The following ANO4 variants were observed in gnomAD, a reference collection of about 807,000 sequenced individuals.
The protein encoded by ANO4 is anoctamin-4.
A neutral mutation model predicts 141.9 loss-of-function variants in ANO4; 69 were observed. The ratio of observed to expected loss-of-function variants is 0.49; its 90% CI spans 0.40 to 0.59. The LOEUF (loss-of-function observed/expected upper bound fraction) is 0.59. Among genes scored for constraint, ANO4 ranks in the 20% least tolerant of loss-of-function variants. The pLI is 0.00. For synonymous variants in ANO4, 350 were observed against 394.3 expected, an observed-to-expected ratio of 0.89 and a Z score of 1.33; for missense variants, 894 against 1,162.2, an observed-to-expected ratio of 0.77 and a Z score of 3.36.
At chr12:100,990,259 G>A (rs1488520697) in intron 8 of ANO4, among the ~76,000 whole-genome samples, 1 of 152,114 alleles carries the variant, frequency 6.6e-6, no homozygotes, top group Non-Finnish European at 1.5e-5. Flanking sequence ...TCACTTCAAA[G>A]GGTTATAGGT....
At chr12:100,801,986 T>C (rs1201140381) in intron 1 of ANO4, among the ~76,000 whole-genome samples, 1 of 152,216 alleles carries the variant, frequency 6.6e-6, no homozygotes, top group African/African-American at 2.4e-5. Context: ...CATAACTGCA[T>C]AACACGTTTT....
intron 8 of ANO4, 67 bp downstream of exon 8, chr12:100,987,737 A>G: frequency 6.3e-7 from 1 of 1,582,650 alleles, no homozygotes; most frequent in South Asian, 1.2e-5. Flanking sequence ...CTCACCCTGC[A>G]CGCCTTTGAT....
At chr12:100,882,006 C>T (rs1424277400) in intron 1 of ANO4, among the ~76,000 whole-genome samples, 1 of 152,130 alleles carries the variant, frequency 6.6e-6, no homozygotes, top group Non-Finnish European at 1.5e-5. Context: ...GACAAGAATA[C>T]TGACCTCATA....
chr12:100,782,670 A>G (rs976479990), intron 3 of ANO4, among the ~76,000 whole-genome samples: 1 of 152,142 alleles, frequency 6.6e-6, no homozygotes, highest in African/African-American at 2.4e-5. Context: ...CCTTATCTGG[A>G]ACATGGGGAT....
chr12:101,013,415 A>C (rs906332583), intron 8 of ANO4, among the ~76,000 whole-genome samples: 5 of 152,132 alleles, frequency 3.3e-5, no homozygotes, highest in African/African-American at 1.2e-4. Context: ...CACACAACTA[A>C]AGTGGAAGAG....
chr12:100,935,540 A>G (rs965863697), intron 3 of ANO4, among the ~76,000 whole-genome samples: 46 of 152,160 alleles, frequency 3.0e-4, no homozygotes, highest in Non-Finnish European at 5.1e-4. Flanking sequence ...ACATTTTTCT[A>G]TTTAGGAGAA....
intron 1 of ANO4, among the ~76,000 whole-genome samples, chr12:100,800,928 T>C (rs1350504734): frequency 6.6e-6 from 1 of 152,248 alleles, no homozygotes; most frequent in African/African-American, 2.4e-5. Context: ...TGCTATTTCC[T>C]CTTCTCTCTT....
chr12:101,054,594 G>A (rs1281677113), intron 14 of ANO4, among the ~76,000 whole-genome samples: 1 of 152,186 alleles, frequency 6.6e-6, no homozygotes, highest in South Asian at 2.1e-4. Flanking sequence ...CCGCCTCCCG[G>A]CTTCACGCCA....
At chr12:101,083,509 A>C (rs2049364595) in intron 15 of ANO4, among the ~76,000 whole-genome samples, 169 bp from the exon 16 acceptor site, 1 of 152,196 alleles carries the variant, frequency 6.6e-6, no homozygotes. Context: ...ATTTTCTTCA[A>C]GTGGCCAATT....
chr12:100,845,222 T>C, intron 1 of ANO4, among the ~76,000 whole-genome samples: 1 of 151,990 alleles, frequency 6.6e-6, no homozygotes, highest in Admixed American at 6.6e-5. Context: ...CAGATGGAGA[T>C]GGTGAGTGCA....
At chr12:100,895,855 C>A (rs2040324446) in intron 1 of ANO4, among the ~76,000 whole-genome samples, 1 of 151,972 alleles carries the variant, frequency 6.6e-6, no homozygotes, top group African/African-American at 2.4e-5. Flanking sequence ...AGCCACTGTG[C>A]CTGGCCTTTG....
intron 16 of ANO4, among the ~76,000 whole-genome samples, 166 bp downstream of exon 16, chr12:101,083,984 A>G (rs1357954915): frequency 6.6e-6 from 1 of 152,218 alleles, no homozygotes; most frequent in Non-Finnish European, 1.5e-5. Context: ...TGCTATCCCC[A>G]TATTACAGAT....
chr12:100,919,722 ATGTG>A lies in ANO4; in HGVS notation c.56-2500_56-2497del, dbSNP rs1285242310. On this transcript the variant is annotated intron_variant, in intron 2 of 27. Coordinates refer to ENST00000392977, the MANE Select transcript of ANO4 (RefSeq NM_001286615.2). The stretch of plus-strand genomic sequence containing the variant: ...TGTGTGTGTATGTATGTATGTATGT[ATGTG>A]TGTATGTATGTATCTATCTATCTAT... Among the ~76,000 whole-genome samples the A allele has an allele frequency of 9.9e-3, 1,292 of 129,988 alleles. 21 individuals carry two copies. Among genetic ancestry groups the A allele is most frequent in the African/African-American group, 0.035 (1,217 of 34,812 alleles). 85.3% of individuals were successfully genotyped at this position (129,988 alleles called of 152,430 possible). A position where few individuals can be genotyped will look rare whatever the true frequency, so the allele number is the denominator to read the frequency against.
At chr12:100,800,745 G>A (rs2034632399) in intron 1 of ANO4, among the ~76,000 whole-genome samples, 1 of 152,184 alleles carries the variant, frequency 6.6e-6, no homozygotes, top group African/African-American at 2.4e-5. Context: ...ACAAATCACA[G>A]ATTAAATACC....
chr12:101,090,287 A>G (rs542940830), intron 17 of ANO4, among the ~76,000 whole-genome samples: 2 of 152,352 alleles, frequency 1.3e-5, no homozygotes, highest in South Asian at 4.1e-4. Flanking sequence ...TGCTATAAAG[A>G]CACATGCACA....
chr12:101,073,650 T>A (rs1253578638), intron 14 of ANO4, among the ~76,000 whole-genome samples: 3 of 151,684 alleles, frequency 2.0e-5, no homozygotes, highest in Non-Finnish European at 4.4e-5. Context: ...CCCTTTTGTG[T>A]CTGTGATGGG....
intron 1 of ANO4, among the ~76,000 whole-genome samples, chr12:100,869,301 C>A (rs1191983255): frequency 6.6e-6 from 1 of 152,170 alleles, no homozygotes; most frequent in African/African-American, 2.4e-5. Flanking sequence ...GGGATGTAGG[C>A]TGTCTCATAT....
At chr12:101,104,645 A>G (rs868670913) in intron 22 of ANO4, among the ~76,000 whole-genome samples, 15 of 62,840 alleles carry the variant, frequency 2.4e-4, no homozygotes, top group Admixed American at 1.5e-3. Flanking sequence ...ATATATATAT[A>G]TATATATATA....
At chr12:101,117,826 T>A (rs762569444) in intron 25 of ANO4, among the ~76,000 whole-genome samples, 1 of 152,210 alleles carries the variant, frequency 6.6e-6, no homozygotes, top group African/African-American at 2.4e-5. Flanking sequence ...ACTTTTGTAA[T>A]GATCCACTTC....
Sources: gnomAD v4.1 joint callset for allele counts (sites outside exome capture counted in the v4.1 genomes callset) on GRCh38, gnomAD v4.1.1 for gene constraint, MANE v1.5 for transcripts, NCBI Gene and HGNC (gene_info 2026-07-23, HGNC 2026-07-21) for gene names.